Variants in B3GALT1 observed in about 807,000 individuals in gnomAD.
The protein encoded by B3GALT1 is UDP-Gal:betaGlcNAc beta 1,3-galactosyltransferase, polypeptide 1.
B3GALT1 carries 10 observed loss-of-function variants against 23.2 expected under a neutral mutation model. That is an observed-to-expected ratio of 0.43 (90% CI 0.27 to 0.73). The LOEUF (loss-of-function observed/expected upper bound fraction) is 0.73. B3GALT1 is among the 30% of genes least tolerant of loss of function. The probability of loss-of-function intolerance (pLI) is 0.21; values close to 1 mark genes in which losing one functional copy is unlikely to be tolerated. For missense variants in B3GALT1, 299 were observed against 405.4 expected (o/e 0.74, Z 2.25); for synonymous variants, 156 against 141.5 (o/e 1.10, Z -0.73).
chr2:167,670,030 G>C (rs1232974145), intron 3 of B3GALT1, among the ~76,000 whole-genome samples: 1 of 152,208 alleles, frequency 6.6e-6, no homozygotes, highest in African/African-American at 2.4e-5. Context: ...AAATCTCAGA[G>C]GATACATCAC....
In B3GALT1 at chr2:167,462,294, C is replaced by T. The variant is rs540873884; in HGVS notation, c.-510-27883C>T. On this transcript the variant is annotated intron_variant, in intron 1 of 4. Coordinates refer to ENST00000392690, the MANE Select transcript of B3GALT1 (RefSeq NM_020981.4). ...AGCTTCCTGAGAATATAACAGTTGG[C>T]TCTCAAGAGCTGATATAAACCAGCT... 2.0e-5 allele frequency among the ~76,000 whole-genome samples: 3 copies of T among 152,220 alleles called. No homozygotes were observed. The South Asian group carries it at 6.2e-4, about 32-fold the overall frequency.
At chr2:167,312,439 A>G (rs536639744) in intron 1 of B3GALT1, among the ~76,000 whole-genome samples, 2 of 152,152 alleles carry the variant, frequency 1.3e-5, no homozygotes, top group African/African-American at 4.8e-5. Flanking sequence ...TTTTTAGAGT[A>G]AATCTAAGGG....
chr2:167,492,306 T>C (rs1425720124), intron 2 of B3GALT1, among the ~76,000 whole-genome samples: 1 of 152,244 alleles, frequency 6.6e-6, no homozygotes, highest in East Asian at 1.9e-4. Context: ...TTTCTGTGGC[T>C]TAATAGCTCA....
intron 4 of B3GALT1, among the ~76,000 whole-genome samples, chr2:167,836,320 A>G (rs1460830664): frequency 2.6e-5 from 4 of 152,166 alleles, no homozygotes; most frequent in Non-Finnish European, 5.9e-5. Flanking sequence ...ACCAATACAG[A>G]GAAGTGCTTA....
chr2:167,420,444 G>C (rs1038099976), intron 1 of B3GALT1, among the ~76,000 whole-genome samples: 1 of 152,186 alleles, frequency 6.6e-6, no homozygotes, highest in Non-Finnish European at 1.5e-5. Context: ...GCAGTAGCTA[G>C]TTCAACATAC....
At chr2:167,744,054 T>TG (rs1687616261) in intron 3 of B3GALT1, among the ~76,000 whole-genome samples, 1 of 152,164 alleles carries the variant, frequency 6.6e-6, no homozygotes, top group African/African-American at 2.4e-5. Flanking sequence ...TTTCCAATTA[T>TG]GGGGGGATTT....
intron 3 of B3GALT1, among the ~76,000 whole-genome samples, chr2:167,709,440 A>G (rs1314744064): frequency 1.3e-5 from 2 of 152,214 alleles, no homozygotes; most frequent in African/African-American, 4.8e-5. Flanking sequence ...CAGGTGTAGC[A>G]TAAACCCCTA....
chr2:167,426,477 G>A (rs1486927261), intron 1 of B3GALT1, among the ~76,000 whole-genome samples: 8 of 151,880 alleles, frequency 5.3e-5, no homozygotes, highest in African/African-American at 1.2e-4. Flanking sequence ...CTTTCATCCC[G>A]TTTTGAGGAG....
chr2:167,722,353 C>T (rs1687247998), intron 3 of B3GALT1, among the ~76,000 whole-genome samples: 1 of 152,154 alleles, frequency 6.6e-6, no homozygotes, highest in Non-Finnish European at 1.5e-5. Flanking sequence ...ATTGACTGCT[C>T]TTCTCAAGCA....
intron 1 of B3GALT1, among the ~76,000 whole-genome samples, chr2:167,464,076 C>G (rs1356015360): frequency 2.0e-5 from 3 of 151,936 alleles, no homozygotes; most frequent in Non-Finnish European, 4.4e-5. Flanking sequence ...TAACAAAAAT[C>G]CAACTGAAAA....
intron 2 of B3GALT1, among the ~76,000 whole-genome samples, chr2:167,552,007 C>T (rs186480542): frequency 6.2e-4 from 94 of 152,184 alleles, no homozygotes; most frequent in Non-Finnish European, 2.8e-4. Context: ...AGGGTTTTAA[C>T]GACTTATTGT....
At chr2:167,447,830 C>G (rs116058432) in intron 1 of B3GALT1, among the ~76,000 whole-genome samples, 9,957 of 152,102 alleles carry the variant, frequency 0.065, 432 homozygotes, top group African/African-American at 0.13. Flanking sequence ...GATGCCTCAC[C>G]CCACTTCGGC....
chr2:167,483,669 A>C (rs1235293882), intron 1 of B3GALT1, among the ~76,000 whole-genome samples: 1 of 152,200 alleles, frequency 6.6e-6, no homozygotes, highest in African/African-American at 2.4e-5. Flanking sequence ...AGGAATTTAC[A>C]TGTCTTTGGA....
At position 167,399,703 on chromosome 2, in the gene B3GALT1, T is replaced by A. The variant is rs149978353; in HGVS notation, c.-510-90474T>A. Among the ~76,000 whole-genome samples the A allele has an allele frequency of 9.9e-5, 15 of 152,244 alleles. No homozygotes were observed. The East Asian group carries it at 2.7e-3, about 27-fold the overall frequency. On this transcript the variant is annotated intron_variant, in intron 1 of 4. Transcript: ENST00000392690. ...CCAATGAGATCTCTCCTACACTCCTTTATCTCCTACTTGAGTATGAATAGT... is the reference window on the plus strand; with the variant it reads ...CCAATGAGATCTCTCCTACACTCCTATATCTCCTACTTGAGTATGAATAGT...
intron 1 of B3GALT1, among the ~76,000 whole-genome samples, chr2:167,433,302 G>T (rs951602974): frequency 1.3e-5 from 2 of 151,972 alleles, no homozygotes; most frequent in Non-Finnish European, 2.9e-5. Flanking sequence ...TAATTCCATT[G>T]TCTGGATATA....
At chr2:167,542,208 C>G (rs1286175746) in intron 2 of B3GALT1, among the ~76,000 whole-genome samples, 1 of 151,846 alleles carries the variant, frequency 6.6e-6, no homozygotes, top group Non-Finnish European at 1.5e-5. Context: ...AAGGAAAGGA[C>G]CTGTCCTTTC....
Position 167,298,861 on chromosome 2 carries a change from T to A in B3GALT1, c.-511+5527T>A, listed in dbSNP as rs144743458. On this transcript the variant is annotated intron_variant, in intron 1 of 4. Transcript: ENST00000392690. Reference sequence around the variant, plus strand: ...GAAAATTTAAAAGCTACTGCATTTTTTTTTTAAAAAGAGCAACAACAGAAA... The same window carrying A: ...GAAAATTTAAAAGCTACTGCATTTTATTTTTAAAAAGAGCAACAACAGAAA... Among the ~76,000 whole-genome samples the A allele has an allele frequency of 6.8e-4, 104 of 151,946 alleles. 2 individuals are homozygous for A. In the East Asian group the frequency reaches 0.02, roughly 29 times the overall value.
In B3GALT1 at chr2:167,869,868, A is replaced by G. The variant is rs775658885; in HGVS notation, c.829A>G (p.Ile277Val). The change falls in exon 5 of 5, where the codon ATA becomes GTA. Residue 277 changes from isoleucine (I) to valine (V), a missense_variant. Transcript: ENST00000392690. The surrounding 1 kb of genome is among the most constrained non-coding windows in gnomAD (Gnocchi z 6.4). ...GGGACTGTGTCTTCGAAAGCTGGGC[A>G]TACATCCTTTCCAGAACAGTGGCTT... Reference protein sequence around the residue: ...YVGLCLRKLGIHPFQNSGFNH... With the variant: ...YVGLCLRKLGVHPFQNSGFNH... 9 of 1,614,064 alleles carry G rather than the reference A, an allele frequency of 5.6e-6. No individual in the cohort carries two copies. The Admixed American group carries it at 1.5e-4, about 27-fold the overall frequency.
intron 4 of B3GALT1, among the ~76,000 whole-genome samples, chr2:167,861,840 A>T (rs1346212756): frequency 6.6e-6 from 1 of 152,136 alleles, no homozygotes; most frequent in Non-Finnish European, 1.5e-5. Flanking sequence ...TTTGTTTTCA[A>T]CATTTTTCAG....
Sources: gnomAD v4.1 joint callset for allele counts (sites outside exome capture counted in the v4.1 genomes callset) on GRCh38, gnomAD v4.1.1 for gene constraint, Gnocchi (gnomAD v3.1) non-coding constraint, MANE v1.5 for transcripts, NCBI Gene and HGNC (gene_info 2026-07-23, HGNC 2026-07-21) for gene names.